DOCK8: variants seen among roughly 807,000 people sequenced by gnomAD.
The protein encoded by DOCK8 is dedicator of cytokinesis protein 8.
A neutral mutation model predicts 245.6 loss-of-function variants in DOCK8; 141 were observed. The ratio of observed to expected loss-of-function variants is 0.57; its 90% CI spans 0.50 to 0.66. DOCK8 has a LOEUF of 0.66. Among genes scored for constraint, DOCK8 ranks in the 30% least tolerant of loss-of-function variants. DOCK8 has a pLI of 0.00. For synonymous variants in DOCK8, 1,168 were observed against 970.2 expected (o/e 1.20, Z -3.79); for missense variants, 2,965 against 2,603.4 (o/e 1.14, Z -3.02).
In DOCK8 at chr9:393,085, CAAAAAAAAAAAAA is replaced by C. The variant is rs1159933739; in HGVS notation, c.2970+2536_2970+2548del. Among the ~76,000 whole-genome samples, 159 of 44,756 alleles carry C rather than the reference CAAAAAAAAAAAAA, an allele frequency of 3.6e-3. 1 individual carries two copies. Among genetic ancestry groups the C allele is most frequent in the African/African-American group, 6.6e-3 (91 of 13,810 alleles). The allele number at this position is 44,756 out of a possible 152,430, so 29.4% of individuals were successfully genotyped here. ...TGGGCAACAGATTGAGACCCTGTCT[CAAAAAAAAAAAAA>C]AAAAAAAAAAAAAAAAGAAGAAGAA... On this transcript the variant is annotated intron_variant, in intron 24 of 47. Transcript: ENST00000432829.
In DOCK8 at chr9:340,205, C is replaced by G; in HGVS notation, c.1563C>G (p.Cys521Trp). 1 of 1,614,166 alleles carries G rather than the reference C, an allele frequency of 6.2e-7. No homozygotes were observed. The highest frequency in any genetic ancestry group is 1.7e-5 in the Admixed American group (1 of 60,016). The change falls in exon 14 of 48, where the codon TGC becomes TGG. Residue 521 changes from cysteine to tryptophan, a missense_variant. Physicochemically the swap from Cys to Trp is radical, Grantham distance 215. Coordinates refer to ENST00000432829, the MANE Select transcript of DOCK8 (RefSeq NM_203447.4). ...CTACAGCTCCAGAGATCATCAATTG[C>G]TGTCTGACTCCTGAAATGCTGCCCG... ...EISTAPEIIN[C>W]CLTPEMLPVK...
intron 5 of DOCK8, among the ~76,000 whole-genome samples, chr9:309,154 C>A (rs2049984936): frequency 1.3e-5 from 2 of 152,080 alleles, no homozygotes; most frequent in Non-Finnish European, 2.9e-5. Context: ...AGTGAAATTT[C>A]TAGATTAAGG....
chr9:344,598 G>T (rs1032756250), intron 14 of DOCK8, among the ~76,000 whole-genome samples: 3 of 151,946 alleles, frequency 2.0e-5, no homozygotes, highest in Non-Finnish European at 4.4e-5. Context: ...CTCTCTTTTT[G>T]TTCCTTGCCA....
At chr9:382,432 T>C in intron 21 of DOCK8, 81 bp from the exon 22 acceptor site, 1 of 1,586,352 alleles carries the variant, frequency 6.3e-7, no homozygotes, top group Non-Finnish European at 8.6e-7. Flanking sequence ...ATCCACCCTA[T>C]CCCTCTTCAA....
Position 220,717 on chromosome 9 carries a change from C to CTTTT in DOCK8, c.53+5700_53+5703dup, listed in dbSNP as rs3046368. 278 of 360,332 alleles carry CTTTT rather than the reference C, an allele frequency of 7.7e-4. 1 individual carries two copies. Among genetic ancestry groups the CTTTT allele is most frequent in the Middle Eastern group, 4.8e-3 (5 of 1,038 alleles). 22.3% of individuals were successfully genotyped at this position (360,332 alleles called of 1,614,324 possible). A position where few individuals can be genotyped will look rare whatever the true frequency, so the allele number is the denominator to read the frequency against. ...CCACAAGCAGTAGTCTAATTTCTTT[C>CTTTT]TTTTTTTTTTTTTTTCTTTTTTTGA... is the stretch of plus-strand genomic sequence containing the variant. On this transcript the variant is annotated intron_variant, in intron 1 of 47. Coordinates refer to ENST00000432829, the MANE Select transcript of DOCK8 (RefSeq NM_203447.4).
chr9:257,979 C>T (rs978013085), intron 1 of DOCK8, among the ~76,000 whole-genome samples: 1 of 152,210 alleles, frequency 6.6e-6, no homozygotes, highest in African/African-American at 2.4e-5. Context: ...AGAGAGTGTG[C>T]ATGAAAATAC....
intron 2 of DOCK8, among the ~76,000 whole-genome samples, chr9:279,459 G>GAATT (rs2048486483): frequency 6.6e-6 from 1 of 152,152 alleles, no homozygotes; most frequent in Non-Finnish European, 1.5e-5. Flanking sequence ...TGAACTCCAG[G>GAATT]GCACTGCATA....
At chr9:382,378 T>C (rs2053756463) in intron 21 of DOCK8, 135 bp from the exon 22 acceptor site, 1 of 1,237,622 alleles carries the variant, frequency 8.1e-7, no homozygotes, top group South Asian at 1.2e-5. Flanking sequence ...AACCAGGATT[T>C]GTTAAGAAGT....
At chr9:391,207 C>G (rs1016096956) in intron 24 of DOCK8, among the ~76,000 whole-genome samples, 27 of 152,224 alleles carry the variant, frequency 1.8e-4, no homozygotes, top group African/African-American at 6.0e-4. Context: ...TAGATTTCAG[C>G]TTCAGTGGAA....
intron 36 of DOCK8, among the ~76,000 whole-genome samples, chr9:431,859 C>T (rs1267970286): frequency 1.3e-5 from 2 of 152,106 alleles, no homozygotes; most frequent in African/African-American, 4.8e-5. Context: ...AAAGGATATA[C>T]TGTATTCTTG....
Position 332,479 on chromosome 9 carries a change from G to A in DOCK8, c.1125+1G>A, listed in dbSNP as rs777092009. The A allele has an allele frequency of 2.5e-6, 4 of 1,607,758 alleles. No homozygotes were observed. Among genetic ancestry groups the A allele is most frequent in the Non-Finnish European group, 3.4e-6 (4 of 1,174,292 alleles). On this transcript the variant is annotated splice_donor_variant, in intron 10 of 47. Coordinates refer to ENST00000432829, the MANE Select transcript of DOCK8 (RefSeq NM_203447.4). LOFTEE classifies it high-confidence loss of function. The stretch of plus-strand genomic sequence containing the variant: ...TATCAAAGAAAGTGATGGTGGAAAG[G>A]TATGGTAATTTGAGTGTTGTTAAAT...
At chr9:280,251 A>C (rs1242328116) in intron 2 of DOCK8, among the ~76,000 whole-genome samples, 1 of 152,222 alleles carries the variant, frequency 6.6e-6, no homozygotes, top group African/African-American at 2.4e-5. Flanking sequence ...TGAAAAAAAC[A>C]ACTAAAAAGA....
intron 18 of DOCK8, among the ~76,000 whole-genome samples, chr9:375,747 A>G (rs1189487519): frequency 6.6e-6 from 1 of 152,194 alleles, no homozygotes; most frequent in African/African-American, 2.4e-5. Context: ...CTGTAATCCC[A>G]ACATTTTGGG....
chr9:238,302 G>C (rs887386372), intron 1 of DOCK8, among the ~76,000 whole-genome samples: 1 of 152,148 alleles, frequency 6.6e-6, no homozygotes, highest in Non-Finnish European at 1.5e-5. Flanking sequence ...AATAAAAAGC[G>C]TGAAAATGCT....
intron 30 of DOCK8, 106 bp downstream of exon 30, chr9:418,313 A>C (rs2056122950): frequency 2.0e-6 from 3 of 1,508,704 alleles, no homozygotes; most frequent in Non-Finnish European, 2.7e-6. Flanking sequence ...ACTCTGTTGC[A>C]CAGGCTGGAG....
At chr9:339,184 T>A in intron 13 of DOCK8, 85 bp downstream of exon 13, 1 of 1,167,678 alleles carries the variant, frequency 8.6e-7, no homozygotes, top group South Asian at 1.3e-5. Context: ...CCAGAATTTA[T>A]AAAATCATGT....
In DOCK8 at chr9:334,236, G is replaced by T; in HGVS notation, c.1137G>T (p.Lys379Asn). The change falls in exon 11 of 48, where the codon AAG (lysine) becomes AAT (asparagine). Residue 379 changes from lysine (K) to asparagine (N), a missense_variant. By Grantham distance (94) the Lys-to-Asn change is moderately conservative. This residue lies in a region of DOCK8 where 2,825 missense variants were observed against 2,453.5 expected (regional missense o/e 1.15). Coordinates refer to ENST00000432829, the MANE Select transcript of DOCK8 (RefSeq NM_203447.4). ...CCATTTTCCTCCAGAGTAAAGAAAA[G>T]ATTGAAAAACTAAAACTCCAAGCTG... The part of the protein sequence containing the change: ...KESDGGKSKE[K>N]IEKLKLQAES... 1 of 1,614,178 alleles carries T rather than the reference G, an allele frequency of 6.2e-7. No individual in the cohort carries two copies. The highest frequency in any genetic ancestry group is 8.5e-7 in the Non-Finnish European group (1 of 1,180,014).
intron 14 of DOCK8, among the ~76,000 whole-genome samples, chr9:366,954 G>A (rs1033082095): frequency 1.3e-5 from 2 of 152,134 alleles, no homozygotes; most frequent in East Asian, 3.9e-4. Flanking sequence ...AGAATACAGT[G>A]GTTATGAGCA....
At chr9:367,328 T>C (rs1053407303) in intron 14 of DOCK8, among the ~76,000 whole-genome samples, 1 of 152,198 alleles carries the variant, frequency 6.6e-6, no homozygotes, top group African/African-American at 2.4e-5. Flanking sequence ...TGGAGATACA[T>C]CAGTGAATCA....
Sources: allele counts gnomAD v4.1 joint callset (sites outside exome capture counted in the v4.1 genomes callset), GRCh38; gene constraint gnomAD v4.1.1; regional missense constraint gnomAD v4.1.1; transcripts MANE v1.5; gene names NCBI Gene and HGNC (gene_info 2026-07-23, HGNC 2026-07-21).